Variants in GRM2 observed in about 807,000 individuals in gnomAD.
The protein encoded by GRM2 is glutamate metabotropic receptor 2.
A neutral mutation model predicts 60.4 loss-of-function variants in GRM2; 35 were observed. The ratio of observed to expected loss-of-function variants is 0.58; its 90% CI spans 0.44 to 0.77. The LOEUF (loss-of-function observed/expected upper bound fraction) is 0.77, where lower values mean the gene tolerates loss of function less well. GRM2 is among the 30% of genes least tolerant of loss of function. The pLI, the probability that GRM2 is intolerant of heterozygous loss-of-function variation, is 0.00. For synonymous variants in GRM2, 437 were observed against 484.1 expected (o/e 0.90, Z 1.28); for missense variants, 925 against 1,199.5 (o/e 0.77, Z 3.38).
Position 51,713,272 on chromosome 3 carries a change from G to T in GRM2, c.1250G>T (p.Arg417Leu). The change falls in exon 3 of 6, where the codon CGC becomes CTC. Residue 417 changes from arginine to leucine, a missense_variant. Transcript: ENST00000395052. This position sits in a 1 kb window ranked among gnomAD's most constrained non-coding sequence, Gnocchi z 4.8. ...CDAMRPVNGR[R>L]LYKDFVLNVK... The stretch of plus-strand genomic sequence containing the variant: ...GCGATGCGGCCAGTTAACGGGCGCC[G>T]CCTCTACAAGGACTTTGTGCTCAAC... 1.2e-6 allele frequency: 2 copies of T among 1,612,384 alleles called. 1 individual carries two copies. Among genetic ancestry groups the T allele is most frequent in the South Asian group, 2.2e-5 (2 of 91,022 alleles).
rs1403679566 is a variant in GRM2, at chr3:51,716,001, C to T, written c.2228C>T (p.Thr743Met). The T allele has an allele frequency of 5.0e-6, 8 of 1,614,092 alleles. No homozygotes were observed. The highest frequency in any genetic ancestry group is 2.2e-5 in the East Asian group (1 of 44,898). Residue 743 changes from threonine to methionine, a missense_variant, in exon 4 of 6, where the codon ACG becomes ATG. Coordinates refer to ENST00000395052, the MANE Select transcript of GRM2 (RefSeq NM_000839.5). This position sits in a 1 kb window ranked among gnomAD's most constrained non-coding sequence, Gnocchi z 4.0. ...AYNVLLIALC[T>M]LYAFKTRKCP... ...AATGTGCTCCTCATCGCGCTCTGCA[C>T]GCTTTATGCCTTCAAGACTCGCAAG... is the stretch of plus-strand genomic sequence containing the variant.
chr3:51,714,730 T>TGTTG (rs535056314), intron 3 of GRM2: 115 of 231,624 alleles, frequency 5.0e-4, no homozygotes, highest in Non-Finnish European at 8.6e-4. Context: ...GGTTGGAAAG[T>TGTTG]GTTGGATAGT....
chr3:51,718,127 CG>C lies in GRM2; in HGVS notation c.*16del, dbSNP rs754139250. The C allele has an allele frequency of 6.2e-7, 1 of 1,609,626 alleles. No homozygotes were observed. The highest frequency in any genetic ancestry group is 8.5e-7 in the Non-Finnish European group (1 of 1,175,880). Reference sequence around the variant, plus strand: ...CATCGCTTTGAAGACCCCATACTCCCGCCCTGACACAGCTGCTCCTGGGAAC... The same window carrying C: ...CATCGCTTTGAAGACCCCATACTCCCCCCTGACACAGCTGCTCCTGGGAAC... On this transcript the variant is annotated 3_prime_UTR_variant, in exon 6 of 6. Transcript: ENST00000395052. This position sits in a 1 kb window ranked among gnomAD's most constrained non-coding sequence, Gnocchi z 4.2.
chr3:51,713,194 C>A lies in GRM2; in HGVS notation c.1172C>A (p.Ala391Glu). ...AATGCAGTGTACGCCATGGCCCATG[C>A]GCTCCACAACATGCACCGTGCCCTC... is the stretch of plus-strand genomic sequence containing the variant. ...VVNAVYAMAH[A>E]LHNMHRALCP... The change falls in exon 3 of 6, where the codon GCG (alanine) becomes GAG (glutamate). Residue 391 changes from alanine to glutamate, a missense_variant. Ala to Glu is a moderately radical substitution (Grantham distance 107). Coordinates refer to ENST00000395052, the MANE Select transcript of GRM2 (RefSeq NM_000839.5). This position sits in a 1 kb window ranked among gnomAD's most constrained non-coding sequence, Gnocchi z 4.8. 6.2e-7 allele frequency: 1 copy of A among 1,613,140 alleles called. No individual in the cohort carries two copies. Among genetic ancestry groups the A allele is most frequent in the Non-Finnish European group, 8.5e-7 (1 of 1,179,988 alleles).
At chr3:51,711,930 C>T (rs1004709161) in intron 2 of GRM2, among the ~76,000 whole-genome samples, 5 of 152,198 alleles carry the variant, frequency 3.3e-5, no homozygotes, top group Non-Finnish European at 5.9e-5. Context: ...AGTGGTAGAA[C>T]GTTTAAGACT....
chr3:51,709,717 C>CTA (rs2107090020), intron 2 of GRM2, among the ~76,000 whole-genome samples: 1 of 30 alleles, frequency 0.033, no homozygotes, highest in Non-Finnish European at 0.1. Context: ...ACACAGCCCC[C>CTA]CACACACCCA....
chr3:51,712,357 C>G lies in GRM2; in HGVS notation c.451-116C>G, dbSNP rs934292565. 7 of 718,092 alleles carry G rather than the reference C, an allele frequency of 9.7e-6. No homozygotes were observed. The highest frequency in any genetic ancestry group is 1.7e-5 in the Non-Finnish European group (7 of 408,590). The allele number at this position is 718,092 out of a possible 1,614,324, so 44.5% of individuals were successfully genotyped here. A position where few individuals can be genotyped will look rare whatever the true frequency, so the allele number is the denominator to read the frequency against. ...AGGATGCAGGGCTTTAGAGAGGGAG[C>G]CTTTAGGCCTGACCTTGTGGACACT... On this transcript the variant is annotated intron_variant, in intron 2 of 5. Coordinates refer to ENST00000395052, the MANE Select transcript of GRM2 (RefSeq NM_000839.5). This position sits in a 1 kb window ranked among gnomAD's most constrained non-coding sequence, Gnocchi z 5.3.
intron 2 of GRM2, among the ~76,000 whole-genome samples, chr3:51,709,676 A>ACACACACCCCC (rs1553700123): frequency 2.8e-5 from 1 of 35,136 alleles, no homozygotes; most frequent in Admixed American, 3.1e-4. Flanking sequence ...CCTCACACAC[A>ACACACACCCCC]CACACACACC....
In GRM2 at chr3:51,717,914, A is replaced by G; in HGVS notation, c.2545+97A>G. 3.5e-6 allele frequency: 5 copies of G among 1,426,608 alleles called. No homozygotes were observed. In the Admixed American group the frequency reaches 5.1e-5, roughly 14 times the overall value. The allele number at this position is 1,426,608 out of a possible 1,614,324, so 88.4% of individuals were successfully genotyped here. ...TTGTCTGGGGGTGAGGTGCCCCCCA[A>G]ATGACACTGGCAGGAGAGGACAGGA... On this transcript the variant is annotated intron_variant, in intron 5 of 5. Transcript: ENST00000395052. The surrounding 1 kb of genome is among the most constrained non-coding windows in gnomAD (Gnocchi z 6.0).
At chr3:51,708,490 T>C (rs1490182926) in intron 1 of GRM2, 1 of 154,392 alleles carries the variant, frequency 6.5e-6, no homozygotes, top group Non-Finnish European at 1.4e-5. Context: ...TCCAAAGGTA[T>C]TGACCTCGGG....
At position 51,715,089 on chromosome 3, in the gene GRM2, A is replaced by T; in HGVS notation, c.1316A>T (p.Asn439Ile). The T allele has an allele frequency of 6.4e-7, 1 of 1,563,248 alleles. No homozygotes were observed. Among genetic ancestry groups the T allele is most frequent in the Non-Finnish European group, 8.7e-7 (1 of 1,150,420 alleles). ...CCCTTTCGCCCAGCTGACACCCACA[A>T]TGAGGTCCGCTTTGACCGCTTTGGT... ...DAPFRPADTHNEVRFDRFGDG... is the reference protein window; with the variant it reads ...DAPFRPADTHIEVRFDRFGDG... Residue 439 changes from asparagine (N) to isoleucine (I), a missense_variant, in exon 4 of 6, where the codon AAT becomes ATT. Asn to Ile is a moderately radical substitution (Grantham distance 149). Transcript: ENST00000395052. The surrounding 1 kb of genome is among the most constrained non-coding windows in gnomAD (Gnocchi z 9.0).
rs755306821 is a variant in GRM2, at chr3:51,712,762, G to C, written c.740G>C (p.Arg247Pro). Residue 247 changes from arginine to proline, a missense_variant, in exon 3 of 6, where the codon CGC (arginine) becomes CCC (proline). By Grantham distance (103) the Arg-to-Pro change is moderately radical. Transcript: ENST00000395052. This position sits in a 1 kb window ranked among gnomAD's most constrained non-coding sequence, Gnocchi z 5.3. ...GAGAAAGTGGGCCGTGCCATGAGCCGCGCGGCCTTTGAGGGTGTGGTGCGA... is the reference window on the plus strand; with the variant it reads ...GAGAAAGTGGGCCGTGCCATGAGCCCCGCGGCCTTTGAGGGTGTGGTGCGA... Reference protein sequence around the residue: ...TSEKVGRAMSRAAFEGVVRAL... With the variant: ...TSEKVGRAMSPAAFEGVVRAL... 6.2e-7 allele frequency: 1 copy of C among 1,613,374 alleles called. No homozygotes were observed. The highest frequency in any genetic ancestry group is 8.5e-7 in the Non-Finnish European group (1 of 1,180,034).
Position 51,717,884 on chromosome 3 carries a change from A to G in GRM2, c.2545+67A>G. 3 of 1,526,456 alleles carry G rather than the reference A, an allele frequency of 2.0e-6. No homozygotes were observed. The highest frequency in any genetic ancestry group is 1.8e-6 in the Non-Finnish European group (2 of 1,102,684). 94.6% of individuals were successfully genotyped at this position (1,526,456 alleles called of 1,614,324 possible). On this transcript the variant is annotated intron_variant, in intron 5 of 5. Coordinates refer to ENST00000395052, the MANE Select transcript of GRM2 (RefSeq NM_000839.5). The surrounding 1 kb of genome is among the most constrained non-coding windows in gnomAD (Gnocchi z 6.0). The stretch of plus-strand genomic sequence containing the variant: ...CTGTCCAGCTCCTTGGGTTGCTGAG[A>G]TCTCTTGTCTGGGGGTGAGGTGCCC...
intron 1 of GRM2, chr3:51,708,066 T>A (rs965253988): frequency 6.6e-6 from 1 of 151,984 alleles, no homozygotes; most frequent in Non-Finnish European, 1.5e-5. Context: ...TCAAGCAGTG[T>A]TCTACACAGA....
At chr3:51,709,705 A>ATCC (rs1559692037) in intron 2 of GRM2, among the ~76,000 whole-genome samples, 3 of 43,870 alleles carry the variant, frequency 6.8e-5, no homozygotes, top group Admixed American at 2.2e-4. Context: ...CCTCACACAC[A>ATCC]CACACAGCCC....
At position 51,708,924 on chromosome 3, in the gene GRM2, C is replaced by A; in HGVS notation, c.-60C>A. ...TTTCCTCCTCTCTTTGCCTTCGCTG[C>A]TTCTAATCTCATCCCCTGGAGACCC... On this transcript the variant is annotated 5_prime_UTR_variant, in exon 2 of 6. Coordinates refer to ENST00000395052, the MANE Select transcript of GRM2 (RefSeq NM_000839.5). 1 of 1,329,750 alleles carries A rather than the reference C, an allele frequency of 7.5e-7. No individual in the cohort carries two copies. Among genetic ancestry groups the A allele is most frequent in the Non-Finnish European group, 1.0e-6 (1 of 981,684 alleles). The allele number at this position is 1,329,750 out of a possible 1,614,324, so 82.4% of individuals were successfully genotyped here. A position where few individuals can be genotyped will look rare whatever the true frequency, so the allele number is the denominator to read the frequency against.
At position 51,716,154 on chromosome 3, in the gene GRM2, A is replaced by G; in HGVS notation, c.2364+17A>G. 1 of 1,545,366 alleles carries G rather than the reference A, an allele frequency of 6.5e-7. No homozygotes were observed. Among genetic ancestry groups the G allele is most frequent in the Non-Finnish European group, 8.9e-7 (1 of 1,117,722 alleles). On this transcript the variant is annotated intron_variant, in intron 4 of 5. Transcript: ENST00000395052. The surrounding 1 kb of genome is among the most constrained non-coding windows in gnomAD (Gnocchi z 4.0). ...GACTACCGGGTGAGCTACCTGCCAC[A>G]GAGGTCGGGGGAGATGGGACACCAG...
Position 51,718,005 on chromosome 3 carries a change from G to T in GRM2, c.2546-34G>T. On this transcript the variant is annotated intron_variant, in intron 5 of 5. Transcript: ENST00000395052. The surrounding 1 kb of genome is among the most constrained non-coding windows in gnomAD (Gnocchi z 4.2). ...TGCCTGCCCTCCATGGAGGACCTCG[G>T]GATTGGCCCCAACCTCTGGCTTCCT... is the stretch of plus-strand genomic sequence containing the variant. 1 of 1,603,054 alleles carries T rather than the reference G, an allele frequency of 6.2e-7. No homozygotes were observed. Among genetic ancestry groups the T allele is most frequent in the South Asian group, 1.1e-5 (1 of 90,826 alleles).
intron 2 of GRM2, chr3:51,711,304 C>T (rs2107100053): frequency 6.6e-6 from 1 of 152,576 alleles, no homozygotes; most frequent in Non-Finnish European, 1.5e-5. Flanking sequence ...TTCTGCAGCC[C>T]CGGGTTGGGG....
Sources: gnomAD v4.1 joint callset for allele counts (sites outside exome capture counted in the v4.1 genomes callset) on GRCh38, gnomAD v4.1.1 for gene constraint, Gnocchi (gnomAD v3.1) non-coding constraint, MANE v1.5 for transcripts, NCBI Gene and HGNC (gene_info 2026-07-23, HGNC 2026-07-21) for gene names.